LAMA2: variants seen among roughly 807,000 people sequenced by gnomAD.
The protein encoded by LAMA2 is laminin subunit alpha-2.
In LAMA2, 269 loss-of-function variants were observed where a neutral mutation model predicts 364.8. That is an observed-to-expected ratio of 0.74 (90% CI 0.67 to 0.82). The LOEUF (loss-of-function observed/expected upper bound fraction) is 0.82, where lower values mean the gene tolerates loss of function less well. Ranked by LOEUF, LAMA2 falls within the 40% of genes least tolerant of loss-of-function variation. The probability of loss-of-function intolerance (pLI) is 0.00; values close to 1 mark genes in which losing one functional copy is unlikely to be tolerated. For synonymous variants in LAMA2, 1,379 were observed against 1,370.6 expected (o/e 1.01, Z -0.14); for missense variants, 3,807 against 3,873.2 (o/e 0.98, Z 0.45).
intron 41 of LAMA2, among the ~76,000 whole-genome samples, chr6:129,433,121 G>C (rs889305589): frequency 1.3e-5 from 2 of 152,130 alleles, no homozygotes; most frequent in African/African-American, 4.8e-5. Context: ...AGCTACTAGG[G>C]AAAGGGAAGC....
chr6:129,256,693 A>C (rs1786692152), intron 14 of LAMA2, among the ~76,000 whole-genome samples: 2 of 147,498 alleles, frequency 1.4e-5, no homozygotes, highest in African/African-American at 5.0e-5. Flanking sequence ...TACTGCTCTT[A>C]CTCGATGTGG....
At chr6:129,436,719 T>A (rs12192806) in intron 41 of LAMA2, among the ~76,000 whole-genome samples, 64,805 of 151,904 alleles carry the variant, frequency 0.43, 13,937 homozygotes, top group South Asian at 0.46. Flanking sequence ...TACATTTAAT[T>A]TTCCCCAATC....
intron 4 of LAMA2, among the ~76,000 whole-genome samples, chr6:129,138,323 A>T (rs933877347): frequency 2.0e-5 from 3 of 152,138 alleles, no homozygotes; most frequent in African/African-American, 7.2e-5. Flanking sequence ...TAATAAAAAT[A>T]ACCCTAAAAA....
intron 4 of LAMA2, among the ~76,000 whole-genome samples, chr6:129,099,722 C>T (rs937035287): frequency 6.6e-6 from 1 of 152,178 alleles, no homozygotes; most frequent in Non-Finnish European, 1.5e-5. Flanking sequence ...CCTCATTAGG[C>T]ACTATTTTTA....
At position 129,287,870 on chromosome 6, in the gene LAMA2, A is replaced by G. The variant is rs1562419276; in HGVS notation, c.2561A>G (p.Gln854Arg). The G allele has an allele frequency of 1.2e-6, 2 of 1,613,930 alleles. No individual in the cohort carries two copies. The highest frequency in any genetic ancestry group is 1.1e-5 in the South Asian group (1 of 91,074). ...CERCAEGYFG[Q>R]PSVPGGSCQP... ...AGGTGTGCAGAAGGCTATTTTGGAC[A>G]ACCCTCTGTACCTGGAGGATCATGT... Residue 854 changes from glutamine to arginine, a missense_variant, in exon 19 of 65, where the codon CAA becomes CGA. Gln to Arg is a conservative substitution (Grantham distance 43). Transcript: ENST00000421865.
At chr6:129,295,310 A>C (rs1773098258) in intron 20 of LAMA2, among the ~76,000 whole-genome samples, 1 of 152,202 alleles carries the variant, frequency 6.6e-6, no homozygotes, top group African/African-American at 2.4e-5. Context: ...GCAAAAAGGA[A>C]GCACAATATA....
chr6:129,117,208 C>G (rs1776529916), intron 4 of LAMA2, among the ~76,000 whole-genome samples: 1 of 152,126 alleles, frequency 6.6e-6, no homozygotes, highest in Non-Finnish European at 1.5e-5. Context: ...AAATTTAATG[C>G]AGTCCTTATG....
chr6:129,138,556 A>G (rs1287889640), intron 4 of LAMA2, among the ~76,000 whole-genome samples: 1 of 152,106 alleles, frequency 6.6e-6, no homozygotes, highest in Non-Finnish European at 1.5e-5. Context: ...ATATCTTATG[A>G]AACTCTTGTC....
chr6:129,492,742 T>C (rs1784938555), intron 58 of LAMA2, among the ~76,000 whole-genome samples: 1 of 152,186 alleles, frequency 6.6e-6, no homozygotes, highest in Non-Finnish European at 1.5e-5. Flanking sequence ...AAAAGACACT[T>C]ATAATACCAT....
intron 1 of LAMA2, among the ~76,000 whole-genome samples, chr6:128,922,633 G>A (rs1479994171): frequency 4.0e-5 from 6 of 151,766 alleles, no homozygotes; most frequent in Non-Finnish European, 5.9e-5. Flanking sequence ...AGCAGGTTGC[G>A]AAAATTTTCT....
chr6:128,990,139 G>A (rs548768611), intron 1 of LAMA2, among the ~76,000 whole-genome samples: 1 of 152,182 alleles, frequency 6.6e-6, no homozygotes, highest in Non-Finnish European at 1.5e-5. Flanking sequence ...GTATCTTACA[G>A]AGATATGTTT....
At chr6:128,984,655 ATTTTTT>A (rs66667236) in intron 1 of LAMA2, among the ~76,000 whole-genome samples, 3,748 of 143,526 alleles carry the variant, frequency 0.026, 164 homozygotes, top group African/African-American at 0.088. Context: ...AATTTAAATG[ATTTTTT>A]TTTTTTTTTG....
intron 8 of LAMA2, chr6:129,158,437 T>C (rs1413130488): frequency 3.7e-6 from 6 of 1,613,874 alleles, no homozygotes; most frequent in Non-Finnish European, 4.2e-6. Flanking sequence ...TTGGCAATAG[T>C]TCGCTGAACC....
rs139341523 is a variant in LAMA2, at chr6:129,166,242, T to A, written c.1306+567T>A. Among the ~76,000 whole-genome samples, 6 of 152,306 alleles carry A rather than the reference T, an allele frequency of 3.9e-5. No individual in the cohort carries two copies. In the East Asian group the frequency reaches 9.6e-4, roughly 24 times the overall value. Reference sequence around the variant, plus strand: ...CCTTTGAGGAATGAAATTCATGAACTCCAAACATTAAGAAATCAAATGCCA... The same window carrying A: ...CCTTTGAGGAATGAAATTCATGAACACCAAACATTAAGAAATCAAATGCCA... On this transcript the variant is annotated intron_variant, in intron 9 of 64. Coordinates refer to ENST00000421865, the MANE Select transcript of LAMA2 (RefSeq NM_000426.4).
intron 51 of LAMA2, among the ~76,000 whole-genome samples, chr6:129,467,636 C>G (rs1783612879): frequency 6.6e-6 from 1 of 151,788 alleles, no homozygotes; most frequent in Non-Finnish European, 1.5e-5. Context: ...TAAAATGATT[C>G]AACAACTTAG....
intron 1 of LAMA2, among the ~76,000 whole-genome samples, chr6:129,011,009 C>T (rs77883575): frequency 0.021 from 3,188 of 152,154 alleles, 114 homozygotes; most frequent in African/African-American, 0.072. Context: ...GATGGAGTCT[C>T]GCTCTGTCAC....
At chr6:129,240,672 T>C (rs963221385) in intron 12 of LAMA2, among the ~76,000 whole-genome samples, 4 of 152,202 alleles carry the variant, frequency 2.6e-5, no homozygotes, top group Non-Finnish European at 4.4e-5. Context: ...TGACTGCTCC[T>C]GGATCGCCGT....
chr6:128,951,804 A>G (rs1780837802), intron 1 of LAMA2, among the ~76,000 whole-genome samples: 1 of 152,140 alleles, frequency 6.6e-6, no homozygotes, highest in African/African-American at 2.4e-5. Flanking sequence ...AAACTTTTCT[A>G]CCCTTTTTAT....
intron 12 of LAMA2, among the ~76,000 whole-genome samples, chr6:129,202,763 T>C (rs534285669): frequency 8.5e-5 from 13 of 152,132 alleles, no homozygotes; most frequent in Admixed American, 2.0e-4. Context: ...CAGGCAAAAA[T>C]GTCTTCCAAA....
Sources: allele counts gnomAD v4.1 joint callset (sites outside exome capture counted in the v4.1 genomes callset), GRCh38; gene constraint gnomAD v4.1.1; transcripts MANE v1.5; gene names NCBI Gene and HGNC (gene_info 2026-07-23, HGNC 2026-07-21).